The following ERAP2 variants were observed in gnomAD, a reference collection of about 807,000 sequenced individuals.
ERAP2 encodes the protein endoplasmic reticulum aminopeptidase 2, also known as leukocyte-derived arginine aminopeptidase.
ERAP2 carries 118 observed loss-of-function variants against 111.1 expected under a neutral mutation model. The ratio of observed to expected loss-of-function variants is 1.06; its 90% CI spans 0.92 to 1.24. ERAP2 has a LOEUF of 1.24. Among genes scored for constraint, ERAP2 ranks in the 50% most tolerant of loss-of-function variants. The probability of loss-of-function intolerance (pLI) is 0.00; values close to 1 mark genes in which losing one functional copy is unlikely to be tolerated. For synonymous variants in ERAP2, 410 were observed against 401.2 expected (o/e 1.02, Z -0.26); for missense variants, 1,131 against 1,125.8 (o/e 1.00, Z -0.07).
At chr5:96,914,387 C>T (rs1456362834) in intron 17 of ERAP2, among the ~76,000 whole-genome samples, 2 of 152,200 alleles carry the variant, frequency 1.3e-5, no homozygotes, top group African/African-American at 4.8e-5. Context: ...AAGCAAAAAG[C>T]ACATTTCCAC....
rs896756419 is a variant in ERAP2 at position 96,900,144 on chromosome 5, A to G, written c.1527A>G (p.Thr509=). ...LSNSCLESDF[T]SGGVCHSDPK... is the part of the protein sequence containing the mutation. ...AGAGTTGTTTAGAAAGTGATTTTAC[A>G]TCTGGTGGAGTTTGTCATTCGGATC... The change falls in exon 10 of 19, where the codon ACA becomes ACG. Residue 509 remains threonine (T), a synonymous_variant. Transcript: ENST00000437043. 2 of 1,613,896 alleles carry G rather than the reference A, an allele frequency of 1.2e-6. No homozygotes were observed. The highest frequency in any genetic ancestry group is 1.7e-6 in the Non-Finnish European group (2 of 1,179,842).
chr5:96,896,226 G>A (rs1456439244), intron 7 of ERAP2, 147 bp from the exon 8 acceptor site: 3 of 571,622 alleles, frequency 5.2e-6, no homozygotes, highest in East Asian at 6.4e-5. Flanking sequence ...TTGGCCAAAG[G>A]GGAATACATA....
At chr5:96,878,332 T>G (rs1782766725) in intron 1 of ERAP2, among the ~76,000 whole-genome samples, 2 of 152,146 alleles carry the variant, frequency 1.3e-5, no homozygotes, top group African/African-American at 4.8e-5. Context: ...CAGCAACCTT[T>G]ACACCAGTAG....
chr5:96,907,979 A>C (rs564100572), intron 13 of ERAP2, among the ~76,000 whole-genome samples: 1 of 152,188 alleles, frequency 6.6e-6, no homozygotes, highest in East Asian at 1.9e-4. Context: ...AAAAATTTCC[A>C]TAAGTCTGTT....
chr5:96,904,658 AAGG>A (rs1785846030), intron 13 of ERAP2, among the ~76,000 whole-genome samples: 1 of 152,206 alleles, frequency 6.6e-6, no homozygotes, highest in Non-Finnish European at 1.5e-5. Context: ...TGCCTGCTCA[AAGG>A]AGAAGCTCTG....
In ERAP2 at chr5:96,905,806, C is replaced by A. The variant is rs936222512; in HGVS notation, c.2012+2246C>A. Among the ~76,000 whole-genome samples, 6 of 152,196 alleles carry A rather than the reference C, an allele frequency of 3.9e-5. 1 individual carries two copies. Among genetic ancestry groups the A allele is most frequent in the South Asian group, 4.2e-4 (2 of 4,814 alleles). On this transcript the variant is annotated intron_variant, in intron 13 of 18. Transcript: ENST00000437043. ...GGCTGAGGCACATGAATCGCTTGAA[C>A]CCAGAAGATCACGCCACTGAACTCC...
intron 17 of ERAP2, among the ~76,000 whole-genome samples, chr5:96,914,441 A>C (rs1787160572): frequency 6.6e-6 from 1 of 152,222 alleles, no homozygotes; most frequent in African/African-American, 2.4e-5. Context: ...CATGAGACCA[A>C]ATAGAAACTG....
intron 2 of ERAP2, among the ~76,000 whole-genome samples, chr5:96,882,586 T>C (rs1295793271): frequency 6.6e-6 from 1 of 152,248 alleles, no homozygotes; most frequent in Non-Finnish European, 1.5e-5. Context: ...ACACTTTGCA[T>C]GTAGAGTTCC....
chr5:96,917,441 T>C (rs750218515), intron 18 of ERAP2, 21 bp from the exon 19 acceptor site: 1 of 1,604,418 alleles, frequency 6.2e-7, no homozygotes, highest in Non-Finnish European at 8.5e-7. Flanking sequence ...GTTAGTAATT[T>C]TTTTCTTCAA....
In ERAP2 at chr5:96,918,638, A is replaced by T. The variant is rs956471902; in HGVS notation, c.*1033A>T. On this transcript the variant is annotated 3_prime_UTR_variant, in exon 19 of 19. Coordinates refer to ENST00000437043, the MANE Select transcript of ERAP2 (RefSeq NM_022350.5). The stretch of plus-strand genomic sequence containing the variant: ...ATTCATACCATTTGGTTTAAGCCTT[A>T]CATTCATGAAGTACCTCAAGGGTAG... The T allele has an allele frequency of 3.3e-5, 5 of 152,244 alleles. No individual in the cohort carries two copies. Among genetic ancestry groups the T allele is most frequent in the African/African-American group, 1.2e-4 (5 of 41,462 alleles). The allele number at this position is 152,244 out of a possible 1,614,324, so 9.4% of individuals were successfully genotyped here.
chr5:96,879,466 A>AT (rs1782915985), intron 1 of ERAP2, 98 bp from the exon 2 acceptor site: 2 of 474,894 alleles, frequency 4.2e-6, no homozygotes, highest in East Asian at 6.5e-5. Context: ...CAGAGAGCAG[A>AT]TTTTCCCTTA....
intron 10 of ERAP2, 122 bp from the exon 11 acceptor site, chr5:96,901,384 C>T: frequency 3.8e-6 from 4 of 1,065,212 alleles, no homozygotes; most frequent in African/African-American, 3.2e-5. Flanking sequence ...CCCTGAGATA[C>T]CAGTCCGAGT....
intron 5 of ERAP2, among the ~76,000 whole-genome samples, chr5:96,890,519 T>C (rs985045620): frequency 2.6e-5 from 4 of 152,192 alleles, no homozygotes; most frequent in Non-Finnish European, 4.4e-5. Context: ...TTGTAGAGCA[T>C]ATAAAAACTG....
intron 15 of ERAP2, among the ~76,000 whole-genome samples, chr5:96,911,359 C>T (rs1320360276): frequency 1.3e-5 from 2 of 152,020 alleles, no homozygotes; most frequent in East Asian, 1.9e-4. Context: ...CTTATTGATC[C>T]GTTGACATTT....
intron 17 of ERAP2, among the ~76,000 whole-genome samples, chr5:96,915,174 A>AT (rs1341912064): frequency 1.3e-5 from 2 of 151,902 alleles, no homozygotes; most frequent in African/African-American, 2.4e-5. Flanking sequence ...TGCCCAGCTA[A>AT]TTTTTTTGTA....
chr5:96,914,582 A>C (rs780389167), intron 17 of ERAP2, among the ~76,000 whole-genome samples: 15 of 152,230 alleles, frequency 9.9e-5, no homozygotes, highest in Non-Finnish European at 1.8e-4. Flanking sequence ...TTTCATTTTA[A>C]ACAGGAAATG....
In ERAP2 at chr5:96,902,344, T is replaced by C; in HGVS notation, c.1819T>C (p.Ser607Pro). 1 of 1,608,254 alleles carries C rather than the reference T, an allele frequency of 6.2e-7. No individual in the cohort carries two copies. Among genetic ancestry groups the C allele is most frequent in the East Asian group, 2.2e-5 (1 of 44,806 alleles). The change falls in exon 12 of 19, where the codon TCA becomes CCA. Residue 607 changes from serine (S) to proline (P), a missense_variant. Physicochemically the swap from Ser to Pro is moderately conservative, Grantham distance 74 (BLOSUM62 -1). Coordinates refer to ENST00000437043, the MANE Select transcript of ERAP2 (RefSeq NM_022350.5). ...TGTGATCCACAGACACATTCTAAAA[T>C]CAAAGACAGGTAATGAACTAATTAG... is the stretch of plus-strand genomic sequence containing the variant. Reference protein sequence around the residue: ...SNVIHRHILKSKTDTLDLPEK... With the variant: ...SNVIHRHILKPKTDTLDLPEK...
At chr5:96,915,933 T>C in intron 18 of ERAP2, 164 bp downstream of exon 18, 1 of 514,788 alleles carries the variant, frequency 1.9e-6, no homozygotes, top group South Asian at 2.8e-5. Flanking sequence ...GATTAAAACC[T>C]GACACTTGGC....
chr5:96,884,764 T>A lies in ERAP2; in HGVS notation c.714+834T>A, dbSNP rs183700758. 2.6e-3 allele frequency among the ~76,000 whole-genome samples: 391 copies of A among 151,660 alleles called. 6 individuals are homozygous for A. Among genetic ancestry groups the A allele is most frequent in the Admixed American group, 0.022 (339 of 15,248 alleles). Reference sequence around the variant, plus strand: ...TCAGTAGAGACGGGGTTTCACCACGTTAGTCAGCCTGGTCTCAAACTCAGG... The same window carrying A: ...TCAGTAGAGACGGGGTTTCACCACGATAGTCAGCCTGGTCTCAAACTCAGG... On this transcript the variant is annotated intron_variant, in intron 3 of 18. Coordinates refer to ENST00000437043, the MANE Select transcript of ERAP2 (RefSeq NM_022350.5).
Sources: allele counts gnomAD v4.1 joint callset (sites outside exome capture counted in the v4.1 genomes callset), GRCh38; gene constraint gnomAD v4.1.1; transcripts MANE v1.5; gene names NCBI Gene and HGNC (gene_info 2026-07-23, HGNC 2026-07-21).